PCDHA8: variants seen among roughly 807,000 people sequenced by gnomAD.
The protein encoded by PCDHA8 is protocadherin alpha 8, also known as protocadherin alpha-8.
PCDHA8 carries 53 observed loss-of-function variants against 61.8 expected under a neutral mutation model. The observed-to-expected ratio is 0.86, with a 90% CI of 0.69 to 1.08. PCDHA8 has a LOEUF of 1.08. Among genes scored for constraint, PCDHA8 ranks in the 50% least tolerant of loss-of-function variants. PCDHA8 has a pLI of 0.00. For synonymous variants in PCDHA8, 618 were observed against 556.6 expected (o/e 1.11, Z -1.55); for missense variants, 1,293 against 1,245.0 (o/e 1.04, Z -0.58).
At chr5:140,880,403 T>C (rs1474959731) in intron 1 of PCDHA8, among the ~76,000 whole-genome samples, 1 of 152,186 alleles carries the variant, frequency 6.6e-6, no homozygotes, top group Non-Finnish European at 1.5e-5. Flanking sequence ...GAGCATATGG[T>C]TGACCTTAAA....
rs149711844 is a variant in PCDHA8 at position 140,884,286 on chromosome 5, G to T, written c.2394+40571G>T. On this transcript the variant is annotated intron_variant, in intron 1 of 3. Coordinates refer to ENST00000531613, the MANE Select transcript of PCDHA8 (RefSeq NM_018911.3). ...GTGCTGTTGTCGCTGGTGGAGAGCG[G>T]CCAAGCGCCACAGGCTTCGTCGAGG... 1.6e-4 allele frequency: 258 copies of T among 1,613,626 alleles called. No individual in the cohort carries two copies. The highest frequency in any genetic ancestry group is 2.1e-4 in the Non-Finnish European group (242 of 1,179,820).
chr5:140,928,372 G>T (rs782494631), intron 1 of PCDHA8: 5 of 1,614,136 alleles, frequency 3.1e-6, no homozygotes, highest in Non-Finnish European at 4.2e-6. Flanking sequence ...AGGGCCATCA[G>T]CCTCTAGCTT....
At chr5:140,966,642 G>C (rs897727830) in intron 1 of PCDHA8, 15 of 1,117,790 alleles carry the variant, frequency 1.3e-5, no homozygotes, top group Non-Finnish European at 1.8e-5. Context: ...GCGCTTTCTA[G>C]AGCGTGAGCG....
intron 1 of PCDHA8, chr5:140,882,664 A>AT (rs782651285): frequency 6.2e-7 from 1 of 1,614,046 alleles, no homozygotes; most frequent in Admixed American, 1.7e-5. Flanking sequence ...ACCCGCCCAT[A>AT]TTCCCTGAAA....
intron 1 of PCDHA8, chr5:140,869,243 G>T (rs1554162716): frequency 1.9e-6 from 3 of 1,613,544 alleles, no homozygotes; most frequent in Non-Finnish European, 2.5e-6. Context: ...TTCGTGGGCC[G>T]CATCGCGCAG....
At chr5:140,956,933 A>G (rs1243678543) in intron 1 of PCDHA8, among the ~76,000 whole-genome samples, 1 of 151,594 alleles carries the variant, frequency 6.6e-6, no homozygotes, top group Non-Finnish European at 1.5e-5. Flanking sequence ...TGGATATAGG[A>G]TAAAATTTAC....
In PCDHA8 at chr5:140,857,765, G is replaced by A. The variant is rs374400381; in HGVS notation, c.2394+14050G>A. The stretch of plus-strand genomic sequence containing the variant: ...GCTGGCGTCTCCCGCTGGCAGCGCG[G>A]GCGGTGCAGTCAGTGAGCTGGTGCT... On this transcript the variant is annotated intron_variant, in intron 1 of 3. Coordinates refer to ENST00000531613, the MANE Select transcript of PCDHA8 (RefSeq NM_018911.3). The A allele has an allele frequency of 6.1e-5, 98 of 1,597,608 alleles. 8 individuals are homozygous for A. In the African/African-American group the frequency reaches 1.2e-3, roughly 19 times the overall value.
At chr5:140,876,262 C>T (rs1554168436) in intron 1 of PCDHA8, 2 of 1,614,012 alleles carry the variant, frequency 1.2e-6, no homozygotes, top group South Asian at 2.2e-5. Context: ...AGTGATCCAA[C>T]TAAATGCTTC....
At chr5:140,877,317 G>T (rs535177109) in intron 1 of PCDHA8, 2 of 1,614,004 alleles carry the variant, frequency 1.2e-6, no homozygotes, top group South Asian at 1.1e-5. Context: ...AACCGGCGGC[G>T]GTCGGCGCGC....
intron 1 of PCDHA8, among the ~76,000 whole-genome samples, chr5:140,879,282 A>T (rs1554170732): frequency 1.3e-5 from 2 of 152,238 alleles, no homozygotes; most frequent in Non-Finnish European, 2.9e-5. Context: ...ACTCAATACA[A>T]ATGATAAGAG....
chr5:140,857,108 C>G (rs1562518295), intron 1 of PCDHA8: 2 of 1,597,858 alleles, frequency 1.3e-6, no homozygotes, highest in Non-Finnish European at 1.7e-6. Flanking sequence ...TGTCACTTCT[C>G]TGTCTCTCCC....
intron 1 of PCDHA8, chr5:140,855,847 C>A: frequency 3.1e-6 from 2 of 652,288 alleles, no homozygotes; most frequent in Non-Finnish European, 2.6e-6. Context: ...CACCTAAAGC[C>A]ACCGGATGTC....
At chr5:140,918,268 A>T (rs1554198508) in intron 1 of PCDHA8, among the ~76,000 whole-genome samples, 2 of 152,084 alleles carry the variant, frequency 1.3e-5, no homozygotes. Context: ...TGGAGGTTTT[A>T]TCAGATGTAG....
intron 1 of PCDHA8, chr5:140,850,086 C>T (rs2150466254): frequency 1.1e-5 from 17 of 1,596,424 alleles, no homozygotes; most frequent in African/African-American, 2.7e-5. Context: ...GCTGGAGCTG[C>T]TACAGTTCCA....
intron 1 of PCDHA8, chr5:140,926,320 C>G (rs555057115): frequency 2.5e-3 from 377 of 152,358 alleles, no homozygotes; most frequent in Non-Finnish European, 3.8e-3. Flanking sequence ...AGAGGTGCGC[C>G]GGGGTCAGAG....
At chr5:140,868,957 A>T (rs2050760003) in intron 1 of PCDHA8, 1 of 1,389,232 alleles carries the variant, frequency 7.2e-7, no homozygotes, top group Non-Finnish European at 9.7e-7. Context: ...AGGCACTCCC[A>T]TACAAAGGAA....
At chr5:140,950,778 G>C (rs537312607) in intron 1 of PCDHA8, among the ~76,000 whole-genome samples, 3 of 152,030 alleles carry the variant, frequency 2.0e-5, no homozygotes, top group Admixed American at 1.3e-4. Flanking sequence ...CATACATATG[G>C]TACTTTTTAA....
At chr5:141,000,993 C>A (rs1273666357) in intron 3 of PCDHA8, among the ~76,000 whole-genome samples, 1 of 151,964 alleles carries the variant, frequency 6.6e-6, no homozygotes, top group Non-Finnish European at 1.5e-5. Context: ...AATAAATATG[C>A]TTTAAATATG....
chr5:140,875,521 T>C (rs2055562442), intron 1 of PCDHA8: 2 of 1,614,014 alleles, frequency 1.2e-6, no homozygotes, highest in Non-Finnish European at 1.7e-6. Flanking sequence ...TCTGCTGCTC[T>C]CGCTTCTGCT....
Sources: allele counts gnomAD v4.1 joint callset (sites outside exome capture counted in the v4.1 genomes callset), GRCh38; gene constraint gnomAD v4.1.1; transcripts MANE v1.5; gene names NCBI Gene and HGNC (gene_info 2026-07-23, HGNC 2026-07-21).